GPC6: variants seen among roughly 807,000 people sequenced by gnomAD.
GPC6 encodes glypican 6, also known as glypican-6.
Under a neutral mutation model 55.2 loss-of-function variants are expected in GPC6, and 14 were observed. That is an observed-to-expected ratio of 0.25 (90% CI 0.17 to 0.40). The LOEUF is 0.40. Among genes scored for constraint, GPC6 ranks in the 10% least tolerant of loss-of-function variants. GPC6 has a pLI of 1.00. For missense variants in GPC6, 641 were observed against 708.5 expected, an observed-to-expected ratio of 0.90 and a Z score of 1.08; for synonymous variants, 278 against 259.6, an observed-to-expected ratio of 1.07 and a Z score of -0.68.
intron 3 of GPC6, among the ~76,000 whole-genome samples, chr13:93,858,701 A>G (rs1387524479): frequency 6.6e-6 from 1 of 151,466 alleles, no homozygotes; most frequent in African/African-American, 2.4e-5. Flanking sequence ...GAGTATGAGA[A>G]TGAGAATGGC....
Position 93,830,181 on chromosome 13 carries a change from C to A in GPC6, c.347C>A (p.Ala116Glu). 6.2e-7 allele frequency: 1 copy of A among 1,605,704 alleles called. No individual in the cohort carries two copies. The highest frequency in any genetic ancestry group is 1.1e-5 in the South Asian group (1 of 89,934). The change falls in exon 3 of 9, where the codon GCA becomes GAA. Residue 116 changes from alanine to glutamate, a missense_variant. Coordinates refer to ENST00000377047, the MANE Select transcript of GPC6 (RefSeq NM_005708.5). The stretch of plus-strand genomic sequence containing the variant: ...TTTTTCCGAGAGCTCCTGGAGAATG[C>A]AGAAAAGTCACTAAATGATATGTTT... Reference protein sequence around the residue: ...DEFFRELLENAEKSLNDMFVR... With the variant: ...DEFFRELLENEEKSLNDMFVR...
At chr13:93,737,737 T>G (rs1388876712) in intron 2 of GPC6, among the ~76,000 whole-genome samples, 1 of 152,148 alleles carries the variant, frequency 6.6e-6, no homozygotes, top group East Asian at 1.9e-4. Context: ...AAAATGTTCC[T>G]ATGTTGTGAA....
At chr13:94,122,682 C>T (rs539874410) in intron 4 of GPC6, among the ~76,000 whole-genome samples, 2 of 152,218 alleles carry the variant, frequency 1.3e-5, no homozygotes, top group Admixed American at 1.3e-4. Context: ...TCATTCACTA[C>T]TCTGCACACG....
At chr13:94,185,887 T>C (rs949785514) in intron 4 of GPC6, among the ~76,000 whole-genome samples, 4 of 151,658 alleles carry the variant, frequency 2.6e-5, no homozygotes, top group African/African-American at 9.7e-5. Flanking sequence ...GGTGAAACCC[T>C]GTCTCTACTA....
intron 1 of GPC6, among the ~76,000 whole-genome samples, chr13:93,430,011 G>A (rs887411245): frequency 1.3e-5 from 2 of 152,114 alleles, no homozygotes; most frequent in African/African-American, 4.8e-5. Context: ...TTGCCAATAA[G>A]CATTCTTTAT....
intron 2 of GPC6, among the ~76,000 whole-genome samples, chr13:93,736,390 C>A (rs1884002859): frequency 6.6e-6 from 1 of 152,178 alleles, no homozygotes; most frequent in African/African-American, 2.4e-5. Context: ...CATATACATA[C>A]ATCTATTTTT....
At chr13:94,016,957 C>T (rs1882492147) in intron 3 of GPC6, among the ~76,000 whole-genome samples, 2 of 152,036 alleles carry the variant, frequency 1.3e-5, no homozygotes, top group Admixed American at 6.6e-5. Flanking sequence ...CTCTCAACCT[C>T]CTGAGTAGCT....
chr13:93,953,835 C>T (rs987132034), intron 3 of GPC6, among the ~76,000 whole-genome samples: 2 of 152,126 alleles, frequency 1.3e-5, no homozygotes, highest in Non-Finnish European at 2.9e-5. Flanking sequence ...ATCAGTTCCA[C>T]CTGTATAATA....
At chr13:93,440,197 TC>T (rs1414555410) in intron 1 of GPC6, among the ~76,000 whole-genome samples, 1 of 152,204 alleles carries the variant, frequency 6.6e-6, no homozygotes, top group Non-Finnish European at 1.5e-5. Context: ...CTTCTGATCA[TC>T]AGTCTTCTTC....
chr13:94,367,085 A>G (rs149623964), intron 6 of GPC6, among the ~76,000 whole-genome samples: 2 of 152,342 alleles, frequency 1.3e-5, no homozygotes, highest in African/African-American at 4.8e-5. Flanking sequence ...GTCCTCCTTC[A>G]TTGATATCTG....
At chr13:93,848,716 TC>T (rs1400999397) in intron 3 of GPC6, among the ~76,000 whole-genome samples, 6 of 152,092 alleles carry the variant, frequency 3.9e-5, no homozygotes, top group Non-Finnish European at 8.8e-5. Flanking sequence ...GTCTTCCATC[TC>T]TCACTTACCT....
At chr13:94,324,657 G>T (rs943676146) in intron 6 of GPC6, among the ~76,000 whole-genome samples, 6 of 151,610 alleles carry the variant, frequency 4.0e-5, no homozygotes, top group Admixed American at 2.0e-4. Flanking sequence ...GCAGATAAGA[G>T]GCACAGAGAT....
intron 4 of GPC6, among the ~76,000 whole-genome samples, chr13:94,234,087 C>T (rs954994501): frequency 2.0e-5 from 3 of 152,016 alleles, no homozygotes; most frequent in Non-Finnish European, 4.4e-5. Context: ...AAACCATGGC[C>T]TACATAATCT....
At chr13:94,043,399 A>AC (rs1883610818) in intron 4 of GPC6, among the ~76,000 whole-genome samples, 1 of 151,904 alleles carries the variant, frequency 6.6e-6, no homozygotes, top group Non-Finnish European at 1.5e-5. Context: ...TTTTCAACTT[A>AC]CAAAAAAGTT....
intron 3 of GPC6, among the ~76,000 whole-genome samples, chr13:93,913,988 T>C (rs894108307): frequency 5.9e-5 from 9 of 152,208 alleles, no homozygotes; most frequent in Non-Finnish European, 1.2e-4. Context: ...CATTTGGCTG[T>C]GTTCAGTTTT....
At chr13:93,895,268 A>ATG (rs1875943898) in intron 3 of GPC6, among the ~76,000 whole-genome samples, 1 of 113,218 alleles carries the variant, frequency 8.8e-6, no homozygotes, top group Non-Finnish European at 1.9e-5. Context: ...ATATATATAT[A>ATG]TATATATATG....
In GPC6 at chr13:93,951,900, C is replaced by A. The variant is rs539720219; in HGVS notation, c.712-75829C>A. Among the ~76,000 whole-genome samples the A allele has an allele frequency of 1.1e-4, 16 of 152,200 alleles. No individual in the cohort carries two copies. In the East Asian group the frequency reaches 2.7e-3, roughly 26 times the overall value. ...GACATGTTTCATAGGCATTCTTCAA[C>A]CTAAAATAAATGGGTTGTGTTTTAA... On this transcript the variant is annotated intron_variant, in intron 3 of 8. Coordinates refer to ENST00000377047, the MANE Select transcript of GPC6 (RefSeq NM_005708.5).
intron 2 of GPC6, among the ~76,000 whole-genome samples, chr13:93,636,078 T>C (rs1462946908): frequency 6.6e-6 from 1 of 152,048 alleles, no homozygotes; most frequent in Non-Finnish European, 1.5e-5. Context: ...AAATGGGCAA[T>C]GTTTTGAGGA....
At chr13:94,382,624 C>G in intron 7 of GPC6, 74 bp downstream of exon 7, 1 of 1,585,768 alleles carries the variant, frequency 6.3e-7, no homozygotes, top group Middle Eastern at 2.0e-4. Context: ...TGGCACAACT[C>G]TACAAACCTG....
Sources: gnomAD v4.1 joint callset for allele counts (sites outside exome capture counted in the v4.1 genomes callset) on GRCh38, gnomAD v4.1.1 for gene constraint, MANE v1.5 for transcripts, NCBI Gene and HGNC (gene_info 2026-07-23, HGNC 2026-07-21) for gene names.